Variants in TNIK observed in about 807,000 individuals in gnomAD.
The protein encoded by TNIK is TRAF2 and NCK interacting kinase, also known as TRAF2 and NCK-interacting protein kinase.
In TNIK, 49 loss-of-function variants were observed where a neutral mutation model predicts 191.3. The ratio of observed to expected loss-of-function variants is 0.26; its 90% CI spans 0.20 to 0.32. The LOEUF (loss-of-function observed/expected upper bound fraction) is 0.32. TNIK is among the 10% of genes least tolerant of loss of function. The pLI, the probability that TNIK is intolerant of heterozygous loss-of-function variation, is 1.00. For synonymous variants in TNIK, 594 were observed against 600.9 expected (o/e 0.99, Z 0.17); for missense variants, 1,155 against 1,702.3 (o/e 0.68, Z 5.66).
intron 4 of TNIK, among the ~76,000 whole-genome samples, chr3:171,205,322 A>G (rs891261491): frequency 9.9e-5 from 15 of 152,178 alleles, no homozygotes; most frequent in Non-Finnish European, 4.4e-5. Context: ...TTTTATCTTC[A>G]TCTTTGGTAA....
chr3:171,117,302 T>G (rs1726884839), intron 18 of TNIK, among the ~76,000 whole-genome samples: 1 of 152,186 alleles, frequency 6.6e-6, no homozygotes, highest in African/African-American at 2.4e-5. Context: ...GCTGCACCCA[T>G]GCTAAACAAA....
intron 29 of TNIK, among the ~76,000 whole-genome samples, chr3:171,069,348 T>C (rs1178511623): frequency 3.3e-5 from 5 of 152,158 alleles, no homozygotes; most frequent in Non-Finnish European, 5.9e-5. Flanking sequence ...GTCACCTCTC[T>C]GGCCCCCCTC....
Position 171,256,852 on chromosome 3 carries a change from AAG to A in TNIK, c.124-28633_124-28632del, listed in dbSNP as rs147889229. ...AGAAGAGTAACACTGGCCCCCCATG[AAG>A]AGAGTCCTCTGCACTTCCCCAGGGG... On this transcript the variant is annotated intron_variant, in intron 2 of 32. Coordinates refer to ENST00000436636, the MANE Select transcript of TNIK (RefSeq NM_015028.4). 1.9e-4 allele frequency among the ~76,000 whole-genome samples: 29 copies of A among 152,248 alleles called. No homozygotes were observed. The East Asian group carries it at 5.2e-3, about 27-fold the overall frequency.
intron 3 of TNIK, among the ~76,000 whole-genome samples, chr3:171,219,423 G>A (rs1197534959): frequency 6.7e-6 from 1 of 150,212 alleles, no homozygotes; most frequent in African/African-American, 2.4e-5. Context: ...CACCTACTAG[G>A]TGCCAGTGCC....
intron 22 of TNIK, among the ~76,000 whole-genome samples, chr3:171,096,848 G>A (rs1220310063): frequency 2.6e-5 from 4 of 152,114 alleles, no homozygotes; most frequent in Non-Finnish European, 5.9e-5. Flanking sequence ...TGGGTCAAGG[G>A]CTTTGTTTAA....
chr3:171,202,017 A>G (rs1739476035), intron 4 of TNIK, among the ~76,000 whole-genome samples: 1 of 152,298 alleles, frequency 6.6e-6, no homozygotes, highest in African/African-American at 2.4e-5. Flanking sequence ...GCCAACTAGT[A>G]TTTTTAGCAA....
chr3:171,287,614 CTA>C (rs1751161568), intron 2 of TNIK, among the ~76,000 whole-genome samples: 3 of 152,286 alleles, frequency 2.0e-5, no homozygotes, highest in Middle Eastern at 3.4e-3. Flanking sequence ...CTTTAAAAGA[CTA>C]TAAGTTTTGA....
At chr3:171,374,546 A>G (rs1232406197) in intron 1 of TNIK, among the ~76,000 whole-genome samples, 2 of 152,336 alleles carry the variant, frequency 1.3e-5, no homozygotes, top group East Asian at 3.9e-4. Flanking sequence ...AGAGCAAATC[A>G]TTGACATTTA....
At chr3:171,372,665 A>C (rs1369060012) in intron 1 of TNIK, among the ~76,000 whole-genome samples, 1 of 152,210 alleles carries the variant, frequency 6.6e-6, no homozygotes, top group Non-Finnish European at 1.5e-5. Flanking sequence ...CCCAGAGGTA[A>C]CAATCTTAGG....
intron 4 of TNIK, among the ~76,000 whole-genome samples, chr3:171,205,817 T>C (rs1479244936): frequency 6.6e-6 from 1 of 152,124 alleles, no homozygotes; most frequent in Non-Finnish European, 1.5e-5. Flanking sequence ...TGGATCCAGG[T>C]TGCAGACTGT....
At chr3:171,219,469 G>C (rs932633326) in intron 3 of TNIK, among the ~76,000 whole-genome samples, 1 of 151,180 alleles carries the variant, frequency 6.6e-6, no homozygotes, top group African/African-American at 2.4e-5. Context: ...TCTGCATGGG[G>C]TGCAAAGATG....
intron 23 of TNIK, among the ~76,000 whole-genome samples, chr3:171,088,936 G>C (rs1721702550): frequency 6.6e-6 from 1 of 152,124 alleles, no homozygotes; most frequent in Admixed American, 6.5e-5. Context: ...CATGTGCAAG[G>C]TTTCATGCTG....
In TNIK at chr3:171,244,345, G is replaced by A. The variant is rs186581556; in HGVS notation, c.124-16124C>T. ...CTCCCAAAGTGCTGGGATTACAGGC[G>A]TGAGCCACTGCGCCCGGCCAGAAAT... On this transcript the variant is annotated intron_variant, in intron 2 of 32. Coordinates refer to ENST00000436636, the MANE Select transcript of TNIK (RefSeq NM_015028.4). Among the ~76,000 whole-genome samples, 161 of 152,198 alleles carry A rather than the reference G, an allele frequency of 1.1e-3. 2 individuals are homozygous for A. The highest frequency in any genetic ancestry group is 3.8e-3 in the African/African-American group (156 of 41,526).
intron 1 of TNIK, among the ~76,000 whole-genome samples, chr3:171,410,609 C>G (rs1339553899): frequency 6.6e-6 from 1 of 151,926 alleles, no homozygotes; most frequent in Non-Finnish European, 1.5e-5. Flanking sequence ...GAAACCCCGT[C>G]TCTACTAAAA....
chr3:171,254,855 G>GA (rs763488314), intron 2 of TNIK, among the ~76,000 whole-genome samples: 6 of 152,172 alleles, frequency 3.9e-5, no homozygotes, highest in Non-Finnish European at 7.4e-5. Context: ...GCTATTTTCA[G>GA]AAAATATGAT....
chr3:171,197,648 T>C (rs770889836), intron 4 of TNIK, among the ~76,000 whole-genome samples: 26 of 152,200 alleles, frequency 1.7e-4, no homozygotes, highest in Non-Finnish European at 3.1e-4. Flanking sequence ...CAATGACATG[T>C]AGAAAGGCTT....
chr3:171,389,280 C>T (rs1023076170), intron 1 of TNIK, among the ~76,000 whole-genome samples: 9 of 152,160 alleles, frequency 5.9e-5, no homozygotes, highest in Non-Finnish European at 8.8e-5. Context: ...AAACTGTGTC[C>T]GTTGGTGCTG....
At chr3:171,459,719 A>G (rs1729230341) in intron 1 of TNIK, among the ~76,000 whole-genome samples, 1 of 94,006 alleles carries the variant, frequency 1.1e-5, no homozygotes, top group South Asian at 4.2e-4. Flanking sequence ...CACGCCTTTC[A>G]TTTTAATGCT....
At chr3:171,406,890 C>T (rs1721766992) in intron 1 of TNIK, among the ~76,000 whole-genome samples, 2 of 152,210 alleles carry the variant, frequency 1.3e-5, no homozygotes, top group African/African-American at 4.8e-5. Flanking sequence ...TAAGATAACA[C>T]AGCGATTTGC....
Sources: gnomAD v4.1 joint callset for allele counts (sites outside exome capture counted in the v4.1 genomes callset) on GRCh38, gnomAD v4.1.1 for gene constraint, MANE v1.5 for transcripts, NCBI Gene and HGNC (gene_info 2026-07-23, HGNC 2026-07-21) for gene names.